Variants in UMAD1 observed in about 807,000 individuals in gnomAD.
The protein encoded by UMAD1 is UBAP1-MVB12-associated (UMA)-domain containing protein 1.
A neutral mutation model predicts 6.1 loss-of-function variants in UMAD1; 8 were observed. The ratio of observed to expected loss-of-function variants is 1.30; its 90% CI spans 0.76 to 2.35. UMAD1 has a LOEUF of 2.35. UMAD1 is among the 30% of genes most tolerant of loss of function. The pLI is 0.00. For missense variants in UMAD1, 130 were observed against 78.4 expected (o/e 1.66, Z -2.49); for synonymous variants, 56 against 31.4 (o/e 1.78, Z -2.61).
intron 2 of UMAD1, among the ~76,000 whole-genome samples, chr7:7,720,843 A>G (rs1194811593): frequency 2.0e-5 from 3 of 152,176 alleles, no homozygotes; most frequent in Non-Finnish European, 4.4e-5. Context: ...CCCCCCAAAA[A>G]GGTATATTTA....
intron 1 of UMAD1, among the ~76,000 whole-genome samples, chr7:7,653,762 C>T (rs531770427): frequency 6.6e-6 from 1 of 152,176 alleles, no homozygotes; most frequent in Non-Finnish European, 1.5e-5. Context: ...TGTCTTGGTT[C>T]TCCACCAGGG....
At chr7:7,863,763 C>T (rs1017525813) in intron 3 of UMAD1, among the ~76,000 whole-genome samples, 1 of 152,130 alleles carries the variant, frequency 6.6e-6, no homozygotes, top group Non-Finnish European at 1.5e-5. Flanking sequence ...AGTGTAATAG[C>T]TAAGATGGAC....
intron 2 of UMAD1, among the ~76,000 whole-genome samples, chr7:7,703,719 C>A (rs970170946): frequency 6.6e-6 from 1 of 152,116 alleles, no homozygotes; most frequent in Admixed American, 6.6e-5. Context: ...ACTGGCAGAT[C>A]GCTTGAGCCC....
At chr7:7,790,036 T>G (rs938176749) in intron 2 of UMAD1, among the ~76,000 whole-genome samples, 2 of 152,202 alleles carry the variant, frequency 1.3e-5, no homozygotes, top group African/African-American at 4.8e-5. Context: ...GCGGAATTGA[T>G]GAAGGGAAGG....
intron 2 of UMAD1, among the ~76,000 whole-genome samples, chr7:7,792,694 G>A (rs1782591245): frequency 6.6e-6 from 1 of 152,090 alleles, no homozygotes. Context: ...CATCCTCTCT[G>A]TCTTAGTTTG....
At chr7:7,715,177 G>C (rs1462119027) in intron 2 of UMAD1, 2 of 152,160 alleles carry the variant, frequency 1.3e-5, no homozygotes, top group Non-Finnish European at 2.9e-5. Flanking sequence ...AAACTTACCT[G>C]AAACTATTGT....
chr7:7,802,903 G>A (rs1222716016), intron 3 of UMAD1, among the ~76,000 whole-genome samples: 5 of 152,030 alleles, frequency 3.3e-5, no homozygotes, highest in African/African-American at 9.7e-5. Context: ...TTTTCACCGT[G>A]AACAAATATT....
chr7:7,869,447 T>G (rs1285154837), intron 3 of UMAD1, among the ~76,000 whole-genome samples: 1 of 152,240 alleles, frequency 6.6e-6, no homozygotes, highest in African/African-American at 2.4e-5. Flanking sequence ...TACAGCTACC[T>G]TCTTTGCATG....
At chr7:7,725,175 C>A (rs1230360159) in intron 2 of UMAD1, among the ~76,000 whole-genome samples, 1 of 152,176 alleles carries the variant, frequency 6.6e-6, no homozygotes, top group African/African-American at 2.4e-5. Context: ...CTCCTACAAC[C>A]AAGGAAGAGG....
chr7:7,845,191 C>T (rs1227034188), intron 3 of UMAD1, among the ~76,000 whole-genome samples: 1 of 151,816 alleles, frequency 6.6e-6, no homozygotes, highest in Non-Finnish European at 1.5e-5. Context: ...ATTTTTTATA[C>T]CAATTATGTT....
intron 2 of UMAD1, among the ~76,000 whole-genome samples, chr7:7,788,826 A>C (rs1431743687): frequency 1.3e-5 from 2 of 152,224 alleles, no homozygotes; most frequent in Admixed American, 1.3e-4. Context: ...TCAAGACTTA[A>C]GAAGATTGAA....
chr7:7,754,948 G>A (rs1476122391), intron 2 of UMAD1, among the ~76,000 whole-genome samples: 1 of 152,138 alleles, frequency 6.6e-6, no homozygotes, highest in African/African-American at 2.4e-5. Context: ...GTTATTAGCA[G>A]TATAATATTC....
intron 1 of UMAD1, among the ~76,000 whole-genome samples, chr7:7,648,012 G>A (rs1374604166): frequency 1.3e-5 from 2 of 152,164 alleles, no homozygotes; most frequent in Non-Finnish European, 2.9e-5. Flanking sequence ...ATCTCACCTA[G>A]GGGAGACAAG....
intron 3 of UMAD1, among the ~76,000 whole-genome samples, chr7:7,851,072 A>C (rs555962059): frequency 6.6e-6 from 1 of 152,308 alleles, no homozygotes; most frequent in South Asian, 2.1e-4. Context: ...GTTGGAAGTA[A>C]AAGTGAAATT....
At chr7:7,780,182 C>A (rs576819879) in intron 2 of UMAD1, among the ~76,000 whole-genome samples, 2 of 152,304 alleles carry the variant, frequency 1.3e-5, no homozygotes, top group Admixed American at 1.3e-4. Flanking sequence ...ACAACCATTG[C>A]CATTTACTAC....
intron 2 of UMAD1, among the ~76,000 whole-genome samples, chr7:7,740,464 G>A (rs1455092967): frequency 6.6e-6 from 1 of 152,228 alleles, no homozygotes; most frequent in Non-Finnish European, 1.5e-5. Context: ...TTTATGGTAA[G>A]ATTGACAAGT....
chr7:7,876,408 T>C (rs6949443), intron 3 of UMAD1, among the ~76,000 whole-genome samples: 2,384 of 152,190 alleles, frequency 0.016, 61 homozygotes, highest in African/African-American at 0.053. Context: ...CTGCCTGAGA[T>C]TGAGGGTCAA....
rs546792187 is a variant in UMAD1 at position 7,763,372 on chromosome 7, AC to A, written c.83-38295del. Among the ~76,000 whole-genome samples, 210 of 152,156 alleles carry A rather than the reference AC, an allele frequency of 1.4e-3. 2 individuals carry two copies. Among genetic ancestry groups the A allele is most frequent in the Middle Eastern group, 0.01 (3 of 294 alleles). The stretch of plus-strand genomic sequence containing the variant: ...TATGGATCCCATCACCTGGGTAGTG[AC>A]CCTAGTACTCAATAAGTGGTTCTTC... On this transcript the variant is annotated intron_variant, in intron 2 of 3. Coordinates refer to ENST00000682710, the MANE Select transcript of UMAD1 (RefSeq NM_001302348.2).
chr7:7,662,389 A>G (rs2348555), intron 1 of UMAD1, among the ~76,000 whole-genome samples: 143,098 of 152,220 alleles, frequency 0.94, 67,316 homozygotes, highest in African/African-American at 0.98. Flanking sequence ...AGCTAGCTCG[A>G]TGTCTGCCTA....
Sources: allele counts gnomAD v4.1 joint callset (sites outside exome capture counted in the v4.1 genomes callset), GRCh38; gene constraint gnomAD v4.1.1; transcripts MANE v1.5; gene names NCBI Gene and HGNC (gene_info 2026-07-23, HGNC 2026-07-21).